TNK2: variants seen among roughly 807,000 people sequenced by gnomAD.
TNK2 encodes the protein tyrosine kinase non receptor 2.
TNK2 carries 83 observed loss-of-function variants against 101.8 expected under a neutral mutation model. The observed-to-expected ratio is 0.82, with a 90% CI of 0.68 to 0.98. The LOEUF (loss-of-function observed/expected upper bound fraction) is 0.98. Ranked by LOEUF, TNK2 falls within the 50% of genes least tolerant of loss-of-function variation. The pLI is 0.00. For synonymous variants in TNK2, 804 were observed against 633.0 expected (o/e 1.27, Z -4.06); for missense variants, 1,665 against 1,483.2 (o/e 1.12, Z -2.01).
chr3:195,871,358 G>A (rs181278571), intron 10 of TNK2, among the ~76,000 whole-genome samples: 274 of 152,220 alleles, frequency 1.8e-3, no homozygotes, highest in Non-Finnish European at 2.5e-3. Context: ...GCCACCTAAC[G>A]TTCCCTCTGC....
Position 195,878,083 on chromosome 3 carries a change from AG to A in TNK2, c.1256+169del, listed in dbSNP as rs1330592101. On this transcript the variant is annotated intron_variant, in intron 9 of 15. Transcript: ENST00000672887. This position sits in a 1 kb window ranked among gnomAD's most constrained non-coding sequence, Gnocchi z 4.7. Reference sequence around the variant, plus strand: ...GGGAAGCTGGGCAGGGAAAGGCACTAGGAAGACGGAGGCAGGCCTGTCCTCC... The same window carrying A: ...GGGAAGCTGGGCAGGGAAAGGCACTAGAAGACGGAGGCAGGCCTGTCCTCC... Among the ~76,000 whole-genome samples, 3 of 151,772 alleles carry A rather than the reference AG, an allele frequency of 2.0e-5. No individual in the cohort carries two copies. The highest frequency in any genetic ancestry group is 7.3e-5 in the African/African-American group (3 of 41,282).
Position 195,882,513 on chromosome 3 carries a change from T to C in TNK2, c.610-185A>G, listed in dbSNP as rs1366009287. On this transcript the variant is annotated intron_variant, in intron 5 of 15. Transcript: ENST00000672887. The surrounding 1 kb of genome is among the most constrained non-coding windows in gnomAD (Gnocchi z 4.2). Reference sequence around the variant, plus strand: ...TCTCAGGCCTCTCCCTCGAGGCAATTTGGGAAACTGATGCCTAGAGAGAAG... The same window carrying C: ...TCTCAGGCCTCTCCCTCGAGGCAATCTGGGAAACTGATGCCTAGAGAGAAG... 18 of 1,535,962 alleles carry C rather than the reference T, an allele frequency of 1.2e-5. No individual in the cohort carries two copies. Among genetic ancestry groups the C allele is most frequent in the Non-Finnish European group, 1.6e-5 (18 of 1,146,132 alleles).
intron 9 of TNK2, chr3:195,876,817 C>T (rs554288289): frequency 3.6e-5 from 13 of 359,522 alleles, no homozygotes; most frequent in East Asian, 1.5e-4. Flanking sequence ...TCCCACTGCC[C>T]GCCTTGCCCG....
chr3:195,880,568 G>A (rs538503532), intron 6 of TNK2, among the ~76,000 whole-genome samples: 2 of 28,304 alleles, frequency 7.1e-5, no homozygotes, highest in Non-Finnish European at 1.2e-4. Context: ...TGTAACACCC[G>A]CCCCCCAGCA....
At chr3:195,901,018 A>C (rs1761150582) in intron 1 of TNK2, among the ~76,000 whole-genome samples, 1 of 152,230 alleles carries the variant, frequency 6.6e-6, no homozygotes, top group Admixed American at 6.5e-5. Context: ...TTCAGTCTAC[A>C]AGATACACTG....
intron 1 of TNK2, among the ~76,000 whole-genome samples, chr3:195,904,051 G>C (rs1262040690): frequency 6.6e-6 from 1 of 151,834 alleles, no homozygotes; most frequent in Non-Finnish European, 1.5e-5. Flanking sequence ...CCAGGAGTTG[G>C]AAACCAGCCT....
intron 9 of TNK2, among the ~76,000 whole-genome samples, chr3:195,875,853 G>A (rs962862630): frequency 3.9e-5 from 6 of 152,206 alleles, no homozygotes; most frequent in Admixed American, 1.3e-4. Context: ...AGACAAGATG[G>A]AAAACAGAGG....
In TNK2 at chr3:195,885,751, A is replaced by G. The variant is rs2149607451; in HGVS notation, c.235-718T>C. ...GGAGGAGCCGAAGGTCAAGGGACAG[A>G]AGAAAGGAGGCCATGAGGGTCAAAG... On this transcript the variant is annotated intron_variant, in intron 3 of 15. Transcript: ENST00000672887. The surrounding 1 kb of genome is among the most constrained non-coding windows in gnomAD (Gnocchi z 4.7). 1 of 430,846 alleles carries G rather than the reference A, an allele frequency of 2.3e-6. No homozygotes were observed. The highest frequency in any genetic ancestry group is 2.0e-5 in the South Asian group (1 of 50,600). 26.7% of individuals were successfully genotyped at this position (430,846 alleles called of 1,614,324 possible). A position where few individuals can be genotyped will look rare whatever the true frequency, so the allele number is the denominator to read the frequency against.
chr3:195,893,925 G>C (rs1363230418), intron 1 of TNK2, among the ~76,000 whole-genome samples: 1 of 152,160 alleles, frequency 6.6e-6, no homozygotes, highest in African/African-American at 2.4e-5. Context: ...CCATTTCCTG[G>C]TCTAACTCCA....
chr3:195,877,068 G>A (rs1410227458), intron 9 of TNK2, among the ~76,000 whole-genome samples: 2 of 152,074 alleles, frequency 1.3e-5, no homozygotes, highest in Non-Finnish European at 2.9e-5. Context: ...GTACTTCCAG[G>A]GGACCCCCCC....
chr3:195,871,357 C>T (rs547846787), intron 10 of TNK2, among the ~76,000 whole-genome samples: 2 of 152,128 alleles, frequency 1.3e-5, no homozygotes, highest in Admixed American at 1.3e-4. Context: ...TGCCACCTAA[C>T]GTTCCCTCTG....
At chr3:195,904,099 C>CAA (rs34116952) in intron 1 of TNK2, among the ~76,000 whole-genome samples, 15 of 150,134 alleles carry the variant, frequency 1.0e-4, no homozygotes, top group African/African-American at 2.9e-4. Flanking sequence ...CAGAAAATTC[C>CAA]AAAAAAAAAT....
chr3:195,897,023 C>T (rs914697212), intron 1 of TNK2, among the ~76,000 whole-genome samples: 45 of 152,254 alleles, frequency 3.0e-4, no homozygotes, highest in African/African-American at 1.0e-3. Context: ...CGCCCTCTCC[C>T]ACCTCCACCT....
rs746111046 is a variant in TNK2, at chr3:195,868,666, G to A, written c.1632C>T (p.Ser544=). 4 of 1,593,262 alleles carry A rather than the reference G, an allele frequency of 2.5e-6. No individual in the cohort carries two copies. The highest frequency in any genetic ancestry group is 1.7e-4 in the Middle Eastern group (1 of 6,022). ...GCAGGCCCAGCCTCTTGAAGTCGCTGGACAAGGGGTCTTGGTCCTCGCTCA... is the reference window on the plus strand; with the variant it reads ...GCAGGCCCAGCCTCTTGAAGTCGCTAGACAAGGGGTCTTGGTCCTCGCTCA... ...DPVSEDQDPL[S]SDFKRLGLRK... Residue 544 remains serine (S), a synonymous_variant, in exon 13 of 16, where the codon TCC becomes TCT. Transcript: ENST00000672887.
At chr3:195,873,265 TGGGCAGGGGCAGGGGCAG>T (rs367947707) in intron 9 of TNK2, among the ~76,000 whole-genome samples, 1 of 151,966 alleles carries the variant, frequency 6.6e-6, no homozygotes, top group African/African-American at 2.4e-5. Context: ...AGCCGGGGCC[TGGGCAGGGGCAGGGGCAG>T]GGGCAGGGGC....
chr3:195,878,573 T>C lies in TNK2; in HGVS notation c.1034A>G (p.Lys345Arg), dbSNP rs369579729. The C allele has an allele frequency of 1.1e-5, 17 of 1,613,034 alleles. No individual in the cohort carries two copies. Among genetic ancestry groups the C allele is most frequent in the African/African-American group, 4.0e-5 (3 of 74,890 alleles). The change falls in exon 8 of 16, where the codon AAG becomes AGG. Residue 345 changes from lysine to arginine, a missense_variant. Transcript: ENST00000672887. The surrounding 1 kb of genome is among the most constrained non-coding windows in gnomAD (Gnocchi z 4.7). ...NGSQILHKID[K>R]EGERLPRPED... ...GGGCCGGGGCAGCCGCTCCCCCTCC[T>C]TGTCGATCTTATGCAGGATCTGAAG...
intron 1 of TNK2, chr3:195,891,808 C>G (rs1290524727): frequency 9.8e-6 from 5 of 511,162 alleles, no homozygotes; most frequent in Non-Finnish European, 1.0e-5. Flanking sequence ...AAAGCCATGC[C>G]CGGGGTGGTC....
chr3:195,875,473 C>T (rs1292149808), intron 9 of TNK2, among the ~76,000 whole-genome samples: 1 of 152,094 alleles, frequency 6.6e-6, no homozygotes, highest in Non-Finnish European at 1.5e-5. Context: ...GAAGCTCCCC[C>T]TCGGGATGGC....
chr3:195,865,190 A>T (rs1236254328), intron 15 of TNK2, among the ~76,000 whole-genome samples: 2 of 111,292 alleles, frequency 1.8e-5, no homozygotes, highest in African/African-American at 3.6e-5. Context: ...ACAGTGACAG[A>T]CAGGTGACAG....
Sources: allele counts gnomAD v4.1 joint callset (sites outside exome capture counted in the v4.1 genomes callset), GRCh38; gene constraint gnomAD v4.1.1; non-coding constraint Gnocchi (gnomAD v3.1); transcripts MANE v1.5; gene names NCBI Gene and HGNC (gene_info 2026-07-23, HGNC 2026-07-21).